UBE2E2: variants seen among roughly 807,000 people sequenced by gnomAD.
UBE2E2 encodes ubiquitin-conjugating enzyme E2 E2.
UBE2E2 carries 6 observed loss-of-function variants against 24.7 expected under a neutral mutation model. The observed-to-expected ratio is 0.24, with a 90% confidence interval of 0.13 to 0.48. The LOEUF is 0.48. Ranked by LOEUF, UBE2E2 falls within the 20% of genes least tolerant of loss-of-function variation. The probability of loss-of-function intolerance (pLI) is 0.99; values close to 1 mark genes in which losing one functional copy is unlikely to be tolerated. For synonymous variants in UBE2E2, 104 were observed against 83.6 expected, an observed-to-expected ratio of 1.24 and a Z score of -1.33; for missense variants, 169 against 245.0, an observed-to-expected ratio of 0.69 and a Z score of 2.07.
chr3:23,447,498 C>G (rs971550129), intron 3 of UBE2E2, among the ~76,000 whole-genome samples: 4 of 152,126 alleles, frequency 2.6e-5, no homozygotes, highest in African/African-American at 9.7e-5. Context: ...GAAGAAAATT[C>G]CAGGGGCAGT....
intron 5 of UBE2E2, among the ~76,000 whole-genome samples, chr3:23,539,957 C>CA (rs1168250268): frequency 6.6e-6 from 1 of 152,116 alleles, no homozygotes; most frequent in Non-Finnish European, 1.5e-5. Flanking sequence ...CACACATTCA[C>CA]AAAAAATAGA....
chr3:23,437,433 T>C (rs1363671229), intron 3 of UBE2E2, among the ~76,000 whole-genome samples: 1 of 152,242 alleles, frequency 6.6e-6, no homozygotes, highest in African/African-American at 2.4e-5. Context: ...AGGAGTATTT[T>C]AATAGATTAG....
chr3:23,287,892 G>A (rs982432026), intron 3 of UBE2E2, among the ~76,000 whole-genome samples: 1 of 148,870 alleles, frequency 6.7e-6, no homozygotes, highest in African/African-American at 2.5e-5. Context: ...ACACAGTTTT[G>A]TTGCTCTCGT....
chr3:23,441,012 T>G (rs978485162), intron 3 of UBE2E2, among the ~76,000 whole-genome samples: 3 of 152,142 alleles, frequency 2.0e-5, no homozygotes, highest in African/African-American at 7.2e-5. Flanking sequence ...GCCACTGACA[T>G]TTTAGTTAGA....
intron 3 of UBE2E2, among the ~76,000 whole-genome samples, chr3:23,301,053 C>A (rs933487042): frequency 6.6e-6 from 1 of 152,198 alleles, no homozygotes; most frequent in Non-Finnish European, 1.5e-5. Context: ...ATCACTGATA[C>A]CCTTTCTTCC....
At chr3:23,570,159 C>T (rs951809032) in intron 5 of UBE2E2, among the ~76,000 whole-genome samples, 5 of 152,052 alleles carry the variant, frequency 3.3e-5, no homozygotes, top group African/African-American at 1.2e-4. Flanking sequence ...CTCCTTTTTC[C>T]CCCTAATCAA....
chr3:23,401,788 C>A (rs1245489106), intron 3 of UBE2E2, among the ~76,000 whole-genome samples: 1 of 150,740 alleles, frequency 6.6e-6, no homozygotes, highest in Non-Finnish European at 1.5e-5. Context: ...TCAAGCAGTT[C>A]TCCTATCTCA....
At chr3:23,251,536 T>C (rs1697574108) in intron 3 of UBE2E2, among the ~76,000 whole-genome samples, 1 of 152,250 alleles carries the variant, frequency 6.6e-6, no homozygotes, top group African/African-American at 2.4e-5. Context: ...AAGAAAGTTG[T>C]CGACATGTTC....
intron 3 of UBE2E2, among the ~76,000 whole-genome samples, chr3:23,416,350 C>T (rs1354924617): frequency 6.6e-6 from 1 of 152,184 alleles, no homozygotes; most frequent in South Asian, 2.1e-4. Flanking sequence ...GTTGAAAATT[C>T]CTTTTTTTAA....
At chr3:23,207,747 G>A (rs1205153292) in intron 1 of UBE2E2, among the ~76,000 whole-genome samples, 4 of 152,172 alleles carry the variant, frequency 2.6e-5, no homozygotes, top group African/African-American at 7.2e-5. Context: ...ACAGTTGTGG[G>A]ACCAAAGGGC....
At chr3:23,247,956 C>T (rs913265994) in intron 3 of UBE2E2, among the ~76,000 whole-genome samples, 7 of 152,046 alleles carry the variant, frequency 4.6e-5, no homozygotes, top group South Asian at 2.1e-4. Flanking sequence ...TTTAAAAGAA[C>T]GATAATATTA....
chr3:23,408,601 C>T (rs1203548673), intron 3 of UBE2E2, among the ~76,000 whole-genome samples: 2 of 152,000 alleles, frequency 1.3e-5, no homozygotes, highest in Non-Finnish European at 2.9e-5. Flanking sequence ...ATATATAGGA[C>T]CTGAATTTGA....
intron 3 of UBE2E2, among the ~76,000 whole-genome samples, chr3:23,347,151 T>C (rs553294512): frequency 4.1e-4 from 62 of 152,312 alleles, no homozygotes; most frequent in African/African-American, 1.4e-3. Context: ...TGTGGCGATT[T>C]CTCAAGGATC....
In UBE2E2 at chr3:23,484,868, C is replaced by A. The variant is rs111890884; in HGVS notation, c.228-14740C>A. ...GAGAACAGAATGGGAAAGACCCACCCCCATGATTCAATTACCTTCCACTGG... is the reference window on the plus strand; with the variant it reads ...GAGAACAGAATGGGAAAGACCCACCACCATGATTCAATTACCTTCCACTGG... On this transcript the variant is annotated intron_variant, in intron 3 of 5. Coordinates refer to ENST00000396703, the MANE Select transcript of UBE2E2 (RefSeq NM_152653.4). Among the ~76,000 whole-genome samples, 594 of 152,170 alleles carry A rather than the reference C, an allele frequency of 3.9e-3. 2 individuals are homozygous for A. Among genetic ancestry groups the A allele is most frequent in the African/African-American group, 0.013 (539 of 41,526 alleles).
Position 23,280,917 on chromosome 3 carries a change from G to A in UBE2E2, c.227+63605G>A, listed in dbSNP as rs1325576158. On this transcript the variant is annotated intron_variant, in intron 3 of 5. Coordinates refer to ENST00000396703, the MANE Select transcript of UBE2E2 (RefSeq NM_152653.4). The surrounding 1 kb of genome is among the most constrained non-coding windows in gnomAD (Gnocchi z 4.3). ...TTATTTCTCACAACTCAGGAGATTG[G>A]GAAGTCCAAGATCAAAGTGCTGGCA... Among the ~76,000 whole-genome samples the A allele has an allele frequency of 6.6e-6, 1 of 152,186 alleles. No individual in the cohort carries two copies.
chr3:23,457,586 G>T (rs574234253), intron 3 of UBE2E2, among the ~76,000 whole-genome samples: 1 of 152,040 alleles, frequency 6.6e-6, no homozygotes, highest in South Asian at 2.1e-4. Context: ...GTGCAGTGGC[G>T]TGATCACAGC....
intron 3 of UBE2E2, among the ~76,000 whole-genome samples, chr3:23,236,489 T>G (rs903540593): frequency 3.3e-5 from 5 of 151,814 alleles, no homozygotes; most frequent in Non-Finnish European, 7.4e-5. Context: ...GGTCCTTTTT[T>G]TTTTTTTTTT....
intron 4 of UBE2E2, among the ~76,000 whole-genome samples, chr3:23,507,123 T>G (rs551411291): frequency 6.6e-6 from 1 of 152,344 alleles, no homozygotes; most frequent in Non-Finnish European, 1.5e-5. Flanking sequence ...CCTTTCCATT[T>G]GTTCTTCCTT....
Position 23,510,479 on chromosome 3 carries a change from C to T in UBE2E2, c.360+10739C>T, listed in dbSNP as rs552230485. Among the ~76,000 whole-genome samples the T allele has an allele frequency of 7.9e-5, 12 of 152,108 alleles. No homozygotes were observed. The South Asian group carries it at 2.1e-3, about 26-fold the overall frequency. The stretch of plus-strand genomic sequence containing the variant: ...AAAATTAGCCAGGCTTGGTGGCACA[C>T]GCCCGTAATCCCAGCTACTTGGAAG... On this transcript the variant is annotated intron_variant, in intron 4 of 5. Coordinates refer to ENST00000396703, the MANE Select transcript of UBE2E2 (RefSeq NM_152653.4).
Sources: allele counts gnomAD v4.1 joint callset (sites outside exome capture counted in the v4.1 genomes callset), GRCh38; gene constraint gnomAD v4.1.1; non-coding constraint Gnocchi (gnomAD v3.1); transcripts MANE v1.5; gene names NCBI Gene and HGNC (gene_info 2026-07-23, HGNC 2026-07-21).